LAMA5: variants seen among roughly 807,000 people sequenced by gnomAD.
LAMA5 encodes the protein laminin subunit alpha 5.
LAMA5 carries 260 observed loss-of-function variants against 433.4 expected under a neutral mutation model. The observed-to-expected ratio is 0.60, with a 90% CI of 0.54 to 0.66. The LOEUF (loss-of-function observed/expected upper bound fraction) is 0.66. Ranked by LOEUF, LAMA5 falls within the 30% of genes least tolerant of loss-of-function variation. LAMA5 has a pLI of 0.00. For synonymous variants in LAMA5, 2,620 were observed against 2,226.6 expected, an observed-to-expected ratio of 1.18 and a Z score of -4.97; for missense variants, 5,378 against 5,258.5, an observed-to-expected ratio of 1.02 and a Z score of -0.70.
rs1978985735 is a variant in LAMA5, at chr20:62,324,923, C to CA, written c.5530-370dup. 3 of 381,270 alleles carry CA rather than the reference C, an allele frequency of 7.9e-6. No homozygotes were observed. Among genetic ancestry groups the CA allele is most frequent in the Non-Finnish European group, 1.5e-5 (3 of 205,372 alleles). 23.6% of individuals were successfully genotyped at this position (381,270 alleles called of 1,614,324 possible). On this transcript the variant is annotated intron_variant, in intron 41 of 79. Coordinates refer to ENST00000252999, the MANE Select transcript of LAMA5 (RefSeq NM_005560.6). The surrounding 1 kb of genome is among the most constrained non-coding windows in gnomAD (Gnocchi z 4.4). ...ACAGAAGGAGCAAAGTTACAGCAGA[C>CA]AGACAGATTAGCAGGGCAGATTAGC...
In LAMA5 at chr20:62,338,106, C is replaced by G; in HGVS notation, c.1801G>C (p.Glu601Gln). The change falls in exon 14 of 80, where the codon GAG becomes CAG. Residue 601 changes from glutamate to glutamine, a missense_variant. By Grantham distance (29) the Glu-to-Gln change is conservative. Coordinates refer to ENST00000252999, the MANE Select transcript of LAMA5 (RefSeq NM_005560.6). Reference protein sequence around the residue: ...PAGTLPEGCDEAGRCLCQPEF... With the variant: ...PAGTLPEGCDQAGRCLCQPEF... ...GGCTGGCATAGGCAGCGGCCGGCCTCATCGCAGCCCTCGGGCAAGGTTCCT... is the reference window on the plus strand; with the variant it reads ...GGCTGGCATAGGCAGCGGCCGGCCTGATCGCAGCCCTCGGGCAAGGTTCCT... The G allele has an allele frequency of 6.2e-7, 1 of 1,600,384 alleles. No homozygotes were observed. The highest frequency in any genetic ancestry group is 1.1e-5 in the South Asian group (1 of 89,332).
rs201764826 is a variant in LAMA5 at position 62,360,662 on chromosome 20, A to G, written c.450+1738T>C. Among the ~76,000 whole-genome samples the G allele has an allele frequency of 6.2e-3, 63 of 10,180 alleles. 4 individuals carry two copies. In the South Asian group the frequency reaches 0.13, roughly 21 times the overall value. 6.7% of individuals were successfully genotyped at this position (10,180 alleles called of 152,430 possible). Reference sequence around the variant, plus strand: ...GGTGGGTGGGTGGGTGGAGGGATAGATGGGTGGGTGGGTGGAGGGACCACT... The same window carrying G: ...GGTGGGTGGGTGGGTGGAGGGATAGGTGGGTGGGTGGGTGGAGGGACCACT... On this transcript the variant is annotated intron_variant, in intron 2 of 79. Coordinates refer to ENST00000252999, the MANE Select transcript of LAMA5 (RefSeq NM_005560.6).
intron 1 of LAMA5, 96 bp downstream of exon 1, chr20:62,366,853 A>T: frequency 8.2e-7 from 1 of 1,225,590 alleles, no homozygotes; most frequent in South Asian, 4.3e-5. Flanking sequence ...CCGCACCTGG[A>T]CTCGCCCCGG....
chr20:62,310,638 T>TGGGG, intron 75 of LAMA5, 27 bp downstream of exon 75: 1 of 1,593,042 alleles, frequency 6.3e-7, no homozygotes, highest in Non-Finnish European at 8.5e-7. Context: ...GGGTGGGGAG[T>TGGGG]GGGGGCTGGG....
intron 79 of LAMA5, 76 bp downstream of exon 79, chr20:62,309,640 G>GGGGGGGTGGGAGGGGGTGGGC (rs1337824019): frequency 4.0e-6 from 4 of 988,296 alleles, no homozygotes; most frequent in East Asian, 3.6e-5. Context: ...GTGGAGGGGT[G>GGGGGGGTGGGAGGGGGTGGGC]GGGGGAGGGT....
rs374695796 is a variant in LAMA5 at position 62,337,947 on chromosome 20, G to A, written c.1892-9C>T. The A allele has an allele frequency of 6.2e-7, 1 of 1,606,384 alleles. No homozygotes were observed. The highest frequency in any genetic ancestry group is 1.3e-5 in the African/African-American group (1 of 74,756). ...AGGGTCGCAGGTGCATGCTGCAGAG[G>A]GACAATGGGGTCAGGCCCTGGCGCC... On this transcript the variant is annotated splice_polypyrimidine_tract_variant and intron_variant, in intron 14 of 79. Coordinates refer to ENST00000252999, the MANE Select transcript of LAMA5 (RefSeq NM_005560.6).
chr20:62,322,059 A>G lies in LAMA5; in HGVS notation c.6456T>C (p.Pro2152=), dbSNP rs1212584435. ...TGTGGCCCACAGGCCCGCCTGGAAC[A>G]GGCACCTGATGCTGCTGGCTGCAGG... is the stretch of plus-strand genomic sequence containing the variant. The part of the protein sequence containing the change: ...CDTCSQQHQV[P]VPGGPVGHSI... The change falls in exon 48 of 80, where the codon CCT becomes CCC. Residue 2152 remains proline (P), a synonymous_variant. Transcript: ENST00000252999. 4.4e-6 allele frequency: 7 copies of G among 1,599,760 alleles called. No individual in the cohort carries two copies. Among genetic ancestry groups the G allele is most frequent in the Non-Finnish European group, 5.1e-6 (6 of 1,179,460 alleles).
chr20:62,363,305 C>G (rs1312890074), intron 1 of LAMA5, among the ~76,000 whole-genome samples: 2 of 152,162 alleles, frequency 1.3e-5, no homozygotes, highest in Admixed American at 6.5e-5. Context: ...TGGGAAGAGG[C>G]CAAGTCACAG....
chr20:62,328,260 T>A lies in LAMA5; in HGVS notation c.4633A>T (p.Thr1545Ser). The A allele has an allele frequency of 6.2e-7, 1 of 1,607,330 alleles. No homozygotes were observed. The highest frequency in any genetic ancestry group is 8.5e-7 in the Non-Finnish European group (1 of 1,177,442). ...IQELTDPTCD[T>S]DSGQCKCRPN... ...TCTCACTTGCACTGGCCGCTGTCTG[T>A]GTCACAGGTAGGGTCTGTGAGCTCC... Residue 1545 changes from threonine (T) to serine (S), a missense_variant, in exon 35 of 80, where the codon ACA (threonine) becomes TCA (serine). Thr to Ser is a moderately conservative substitution (Grantham distance 58). Coordinates refer to ENST00000252999, the MANE Select transcript of LAMA5 (RefSeq NM_005560.6).
chr20:62,333,157 G>A lies in LAMA5; in HGVS notation c.3215C>T (p.Pro1072Leu). ...EALCRQDNSLPRPCPTEQLSP... is the reference protein window; with the variant it reads ...EALCRQDNSLLRPCPTEQLSP... ...GAGCTGCTCCGTGGGGCAGGGCCGG[G>A]GCAGGCTGTTGTCCTGGCGACACAG... The change falls in exon 26 of 80, where the codon CCC becomes CTC. Residue 1072 changes from proline to leucine, a missense_variant. Coordinates refer to ENST00000252999, the MANE Select transcript of LAMA5 (RefSeq NM_005560.6). The A allele has an allele frequency of 2.0e-6, 3 of 1,515,922 alleles. No homozygotes were observed. The highest frequency in any genetic ancestry group is 2.6e-6 in the Non-Finnish European group (3 of 1,134,238). The allele number at this position is 1,515,922 out of a possible 1,614,324, so 93.9% of individuals were successfully genotyped here.
At position 62,318,578 on chromosome 20, in the gene LAMA5, T is replaced by G; in HGVS notation, c.7115A>C (p.Asp2372Ala). Residue 2372 changes from aspartate (D) to alanine (A), a missense_variant, in exon 53 of 80, where the codon GAC becomes GCC. Physicochemically the swap from Asp to Ala is moderately radical, Grantham distance 126. Transcript: ENST00000252999. Reference protein sequence around the residue: ...ENQALATQTRDRLAQHEAGLM... With the variant: ...ENQALATQTRARLAQHEAGLM... ...GCCGGCCTCGTGCTGGGCCAGCCGG[T>G]CGCGGGTTTGTGTGGCCAGTGCCTG... The G allele has an allele frequency of 1.2e-6, 2 of 1,610,644 alleles. No individual in the cohort carries two copies. Among genetic ancestry groups the G allele is most frequent in the Non-Finnish European group, 1.7e-6 (2 of 1,179,036 alleles).
chr20:62,322,891 C>A, intron 45 of LAMA5, 133 bp from the exon 46 acceptor site: 1 of 592,062 alleles, frequency 1.7e-6, no homozygotes, highest in South Asian at 2.2e-5. Flanking sequence ...CCCGGCTACC[C>A]ACTCGTGTCC....
chr20:62,332,590 T>G lies in LAMA5; in HGVS notation c.3410A>C (p.Gln1137Pro). The G allele has an allele frequency of 6.3e-7, 1 of 1,594,374 alleles. No individual in the cohort carries two copies. ...AVHTPQRAPQ[Q>P]GLLSLHPCLY... ...GCAGGGGTGCAGGGAGAGCAGCCCC[T>G]GCTGGGGGGCCCGCTGTGGGGTGTG... Residue 1137 changes from glutamine (Q) to proline (P), a missense_variant, in exon 27 of 80, where the codon CAG (glutamine) becomes CCG (proline). By Grantham distance (76) the Gln-to-Pro change is moderately conservative. Coordinates refer to ENST00000252999, the MANE Select transcript of LAMA5 (RefSeq NM_005560.6).
intron 50 of LAMA5, 97 bp downstream of exon 50, chr20:62,320,462 C>G: frequency 2.2e-6 from 2 of 900,252 alleles, no homozygotes; most frequent in Non-Finnish European, 3.4e-6. Flanking sequence ...GACACATGTA[C>G]GAGGCATGAA....
rs141612341 is a variant in LAMA5 at position 62,346,223 on chromosome 20, G to A, written c.1283-8C>T. 1 of 1,609,726 alleles carries A rather than the reference G, an allele frequency of 6.2e-7. No individual in the cohort carries two copies. Among genetic ancestry groups the A allele is most frequent in the African/African-American group, 1.3e-5 (1 of 75,000 alleles). On this transcript the variant is annotated splice_region_variant and splice_polypyrimidine_tract_variant and intron_variant, in intron 9 of 79. Transcript: ENST00000252999. ...CGGACTCGCAGTTGCAGCCTGGGCAGGGGCAGGAGCCGGGTAAGCCTGGAG... is the reference window on the plus strand; with the variant it reads ...CGGACTCGCAGTTGCAGCCTGGGCAAGGGCAGGAGCCGGGTAAGCCTGGAG...
In LAMA5 at chr20:62,309,812, G is replaced by T. The variant is rs764941172; in HGVS notation, c.10852C>A (p.Arg3618=). The T allele has an allele frequency of 8.1e-6, 13 of 1,611,348 alleles. No homozygotes were observed. Among genetic ancestry groups the T allele is most frequent in the South Asian group, 5.5e-5 (5 of 91,020 alleles). The change falls in exon 79 of 80, where the codon CGG becomes AGG. Residue 3618 remains arginine, a synonymous_variant. Coordinates refer to ENST00000252999, the MANE Select transcript of LAMA5 (RefSeq NM_005560.6). ...LAVMKSGNVL[R]LEVDAQSNHT... ...TTGCTCTGCGCGTCCACCTCCAGCC[G>T]GAGCACATTCCCGCTTTTCATCACT...
rs776672637 is a variant in LAMA5 at position 62,311,615 on chromosome 20, G to A, written c.9805C>T (p.Arg3269Trp). ...TCCCCCAGCGCCCACCAGGCTCACC[G>A]CTGCACGAAGACGTTGCTGATGCAG... The part of the protein sequence containing the change: ...SGCISNVFVQ[R>W]LLGPQRVFDL... The change falls in exon 71 of 80, where the codon CGG (arginine) becomes TGG (tryptophan). Residue 3269 changes from arginine (R) to tryptophan (W), a missense_variant and splice_region_variant. Arg to Trp is a moderately radical substitution (Grantham distance 101, BLOSUM62 -3). Coordinates refer to ENST00000252999, the MANE Select transcript of LAMA5 (RefSeq NM_005560.6). 13 of 1,605,684 alleles carry A rather than the reference G, an allele frequency of 8.1e-6. No homozygotes were observed. In the African/African-American group the frequency reaches 1.2e-4, roughly 15 times the overall value.
At chr20:62,331,454 G>T (rs1390872607) in intron 28 of LAMA5, among the ~76,000 whole-genome samples, 1 of 152,078 alleles carries the variant, frequency 6.6e-6, no homozygotes, top group Non-Finnish European at 1.5e-5. Flanking sequence ...GCAGACCAGC[G>T]TGTTGGCCAG....
At chr20:62,331,387 G>A (rs914898762) in intron 28 of LAMA5, among the ~76,000 whole-genome samples, 4 of 151,866 alleles carry the variant, frequency 2.6e-5, no homozygotes, top group African/African-American at 9.7e-5. Context: ...GCGTCCGACC[G>A]AGCCCTGCTC....
Sources: allele counts gnomAD v4.1 joint callset (sites outside exome capture counted in the v4.1 genomes callset), GRCh38; gene constraint gnomAD v4.1.1; non-coding constraint Gnocchi (gnomAD v3.1); transcripts MANE v1.5; gene names NCBI Gene and HGNC (gene_info 2026-07-23, HGNC 2026-07-21).